The following FGD2 variants were observed in gnomAD, a reference collection of about 807,000 sequenced individuals.
FGD2 encodes the protein FYVE, RhoGEF and PH domain containing 2, also known as FYVE, RhoGEF and PH domain-containing protein 2.
FGD2 carries 52 observed loss-of-function variants against 75.9 expected under a neutral mutation model. The ratio of observed to expected loss-of-function variants is 0.69; its 90% CI spans 0.55 to 0.86. The LOEUF (loss-of-function observed/expected upper bound fraction) is 0.86, where lower values mean the gene tolerates loss of function less well. Ranked by LOEUF, FGD2 falls within the 40% of genes least tolerant of loss-of-function variation. The pLI is 0.00. For missense variants in FGD2, 790 were observed against 872.0 expected (o/e 0.91, Z 1.18); for synonymous variants, 347 against 348.6 (o/e 1.00, Z 0.05).
At chr6:37,027,908 TGA>T in intron 15 of FGD2, 38 bp from the exon 16 acceptor site, 1 of 1,601,388 alleles carries the variant, frequency 6.2e-7, no homozygotes, top group Non-Finnish European at 8.5e-7. Flanking sequence ...GCAGTAGGAC[TGA>T]GAGGGGACAG....
intron 15 of FGD2, 121 bp from the exon 16 acceptor site, chr6:37,027,827 C>T: frequency 1.6e-6 from 2 of 1,213,394 alleles, no homozygotes; most frequent in Non-Finnish European, 2.3e-6. Flanking sequence ...CACCAGCCCA[C>T]CCCCAACCCA....
At chr6:37,008,723 G>A (rs1190291013) in intron 1 of FGD2, 111 bp from the exon 2 acceptor site, 1 of 965,894 alleles carries the variant, frequency 1.0e-6, no homozygotes, top group African/African-American at 1.7e-5. Context: ...GGCACCCAGG[G>A]GCCCCTGCAC....
intron 13 of FGD2, chr6:37,024,080 C>A (rs568990350): frequency 7.2e-5 from 11 of 152,304 alleles, no homozygotes; most frequent in African/African-American, 2.4e-4. Flanking sequence ...GTGCCTCACA[C>A]CTGTAATCCC....
At chr6:37,023,574 TCA>T (rs961381165) in intron 13 of FGD2, 19 of 152,336 alleles carry the variant, frequency 1.2e-4, no homozygotes, top group African/African-American at 4.3e-4. Flanking sequence ...CTTTGCAACC[TCA>T]GTCTTTGATG....
chr6:37,008,756 C>G, intron 1 of FGD2, 78 bp from the exon 2 acceptor site: 2 of 1,434,454 alleles, frequency 1.4e-6, no homozygotes, highest in Non-Finnish European at 1.9e-6. Flanking sequence ...CCAGGCAACC[C>G]AAATCCACAC....
In FGD2 at chr6:37,014,123, CA is replaced by C. The variant is rs774256481; in HGVS notation, c.823+24del. The C allele has an allele frequency of 1.2e-5, 20 of 1,610,230 alleles. No homozygotes were observed. The African/African-American group carries it at 2.7e-4, about 22-fold the overall frequency. ...AGAGTGAGGACACCCCCAGGGGTCCCAGGGGGCTGAGGAGGCCTAAGCCATT... is the reference window on the plus strand; with the variant it reads ...AGAGTGAGGACACCCCCAGGGGTCCCGGGGGCTGAGGAGGCCTAAGCCATT... On this transcript the variant is annotated intron_variant, in intron 6 of 15. Coordinates refer to ENST00000274963, the MANE Select transcript of FGD2 (RefSeq NM_173558.4).
intron 6 of FGD2, 158 bp from the exon 7 acceptor site, chr6:37,014,488 G>C: frequency 2.5e-6 from 2 of 796,866 alleles, no homozygotes; most frequent in East Asian, 5.4e-5. Flanking sequence ...GGGGGCTCCC[G>C]CCATTCAGAC....
In FGD2 at chr6:37,014,699, G is replaced by C. The variant is rs1398315477; in HGVS notation, c.877G>C (p.Glu293Gln). The change falls in exon 7 of 16, where the codon GAG (glutamate) becomes CAG (glutamine). Residue 293 changes from glutamate (E) to glutamine (Q), a missense_variant. Coordinates refer to ENST00000274963, the MANE Select transcript of FGD2 (RefSeq NM_173558.4). ...CCAGCACTCCAATGCAGCCATCACT[G>C]AGATGGTAAGCAGCCCGCCCTCTCC... ...AAQHSNAAITEMERLQDLWEV... is the reference protein window; with the variant it reads ...AAQHSNAAITQMERLQDLWEV... 2 of 1,614,066 alleles carry C rather than the reference G, an allele frequency of 1.2e-6. No homozygotes were observed. The highest frequency in any genetic ancestry group is 3.3e-5 in the Admixed American group (2 of 60,020).
intron 9 of FGD2, among the ~76,000 whole-genome samples, chr6:37,016,942 G>C (rs1224488): frequency 0.66 from 100,503 of 151,966 alleles, 34,099 homozygotes; most frequent in East Asian, 0.9. Flanking sequence ...GAAAGTCTCC[G>C]CCCGACTCTA....
intron 9 of FGD2, among the ~76,000 whole-genome samples, chr6:37,017,856 G>C (rs1013369093): frequency 1.3e-5 from 2 of 152,232 alleles, no homozygotes; most frequent in Non-Finnish European, 2.9e-5. Context: ...CCAGGGCCTG[G>C]GGGTGGGGTG....
chr6:37,013,399 T>G, intron 4 of FGD2: 1 of 1,371,070 alleles, frequency 7.3e-7, no homozygotes, highest in Non-Finnish European at 9.4e-7. Context: ...GAGGCCAACC[T>G]GGGACCAGAA....
At chr6:37,009,420 A>C (rs1483881838) in intron 2 of FGD2, 1 of 219,484 alleles carries the variant, frequency 4.6e-6, no homozygotes, top group East Asian at 1.3e-4. Flanking sequence ...ACTGGAGGAG[A>C]CAACAATCTC....
chr6:37,012,530 G>A (rs535779738), intron 4 of FGD2, among the ~76,000 whole-genome samples: 162 of 151,982 alleles, frequency 1.1e-3, no homozygotes, highest in African/African-American at 3.5e-3. Flanking sequence ...TGGGCAACAT[G>A]GTAAAACCCC....
At chr6:37,008,279 A>C (rs966416717) in intron 1 of FGD2, among the ~76,000 whole-genome samples, 2 of 152,138 alleles carry the variant, frequency 1.3e-5, no homozygotes, top group South Asian at 2.1e-4. Flanking sequence ...AGAACCCAGT[A>C]CACAGGGTAA....
At chr6:37,026,932 C>T (rs1389683600) in intron 14 of FGD2, among the ~76,000 whole-genome samples, 7 of 151,824 alleles carry the variant, frequency 4.6e-5, no homozygotes, top group South Asian at 4.1e-4. Flanking sequence ...CTCTTGAACC[C>T]GGGAGGTGGA....
At chr6:37,013,800 A>G in intron 5 of FGD2, 35 bp downstream of exon 5, 2 of 1,610,330 alleles carry the variant, frequency 1.2e-6, no homozygotes, top group Non-Finnish European at 1.7e-6. Context: ...CAGCATTGCC[A>G]CTCCCAGCAT....
intron 12 of FGD2, chr6:37,021,921 G>A (rs1299814538): frequency 1.8e-5 from 9 of 487,760 alleles, no homozygotes; most frequent in Non-Finnish European, 2.9e-5. Context: ...AGGGAAGATG[G>A]AAGGTGAGTG....
intron 3 of FGD2, 171 bp from the exon 4 acceptor site, chr6:37,011,535 G>T: frequency 1.2e-6 from 1 of 849,384 alleles, no homozygotes; most frequent in Non-Finnish European, 1.9e-6. Context: ...CATCTGTAAA[G>T]TGGCCAGAAC....
At chr6:37,018,336 G>A (rs192464236) in intron 9 of FGD2, among the ~76,000 whole-genome samples, 11 of 152,222 alleles carry the variant, frequency 7.2e-5, no homozygotes, top group East Asian at 1.9e-4. Flanking sequence ...TCCAGCAGCC[G>A]CACAGCACCC....
Sources: allele counts gnomAD v4.1 joint callset (sites outside exome capture counted in the v4.1 genomes callset), GRCh38; gene constraint gnomAD v4.1.1; transcripts MANE v1.5; gene names NCBI Gene and HGNC (gene_info 2026-07-23, HGNC 2026-07-21).